Variants in RARB observed in about 807,000 individuals in gnomAD.
RARB encodes the protein retinoic acid receptor beta.
In RARB, 17 loss-of-function variants were observed where a neutral mutation model predicts 51.9. The observed-to-expected ratio is 0.33, with a 90% CI of 0.22 to 0.49. The LOEUF is 0.49. Ranked by LOEUF, RARB falls within the 20% of genes least tolerant of loss-of-function variation. The pLI is 0.99. For missense variants in RARB, 369 were observed against 550.8 expected (o/e 0.67, Z 3.30); for synonymous variants, 215 against 195.4 (o/e 1.10, Z -0.84).
At chr3:24,976,960 G>C (rs892291498) in intron 2 of RARB, among the ~76,000 whole-genome samples, 2 of 152,148 alleles carry the variant, frequency 1.3e-5, no homozygotes, top group South Asian at 4.1e-4. Flanking sequence ...AAGGGATCCA[G>C]TTTCAGTTTT....
intron 5 of RARB, among the ~76,000 whole-genome samples, chr3:25,581,350 A>G (rs1865615): frequency 0.048 from 7,337 of 152,032 alleles, 609 homozygotes; most frequent in African/African-American, 0.16. Flanking sequence ...CCCCCATCCC[A>G]CTTTCTCCAT....
chr3:25,046,639 G>T (rs901970629), intron 2 of RARB, among the ~76,000 whole-genome samples: 4 of 151,958 alleles, frequency 2.6e-5, no homozygotes, highest in African/African-American at 9.7e-5. Flanking sequence ...TTTTTTGATA[G>T]AGACGGGGTT....
chr3:25,301,588 C>T lies in RARB; in HGVS notation c.178+127013C>T, dbSNP rs77030219. The stretch of plus-strand genomic sequence containing the variant: ...TTTCTGCATTTTGTATGGAGGTGGG[C>T]CTGGGTGTTGATTCTGGCAGGTGTT... On this transcript the variant is annotated intron_variant, in intron 5 of 11. Coordinates refer to the RARB transcript ENST00000383772. Among the ~76,000 whole-genome samples, 1,161 of 152,136 alleles carry T rather than the reference C, an allele frequency of 7.6e-3. 10 individuals carry two copies. The highest frequency in any genetic ancestry group is 0.014 in the Middle Eastern group (4 of 294).
In RARB at chr3:24,912,972, A is replaced by ATTTTTTT. The variant is rs71622787; in HGVS notation, c.-380+54222_-380+54223insTTTTTTT. ...GTGGCAATACGCACACAAGGTACTG[A>ATTTTTTT]TTCTTTTTTTTTTTTTTTTTTTTTT... is the stretch of plus-strand genomic sequence containing the variant. On this transcript the variant is annotated intron_variant, in intron 2 of 11. Coordinates refer to the RARB transcript ENST00000383772. Among the ~76,000 whole-genome samples, 283 of 57,546 alleles carry ATTTTTTT rather than the reference A, an allele frequency of 4.9e-3. 17 individuals carry two copies. Among genetic ancestry groups the ATTTTTTT allele is most frequent in the African/African-American group, 0.013 (245 of 18,352 alleles). The allele number at this position is 57,546 out of a possible 152,430, so 37.8% of individuals were successfully genotyped here. A position where few individuals can be genotyped will look rare whatever the true frequency, so the allele number is the denominator to read the frequency against.
intron 2 of RARB, among the ~76,000 whole-genome samples, chr3:24,931,298 C>T (rs982292995): frequency 3.9e-5 from 6 of 152,184 alleles, no homozygotes; most frequent in African/African-American, 1.4e-4. Context: ...TGAAAATCTC[C>T]TATTCCTCCA....
At chr3:25,552,924 TTAAATA>T (rs1232523591) in intron 3 of RARB, among the ~76,000 whole-genome samples, 1 of 152,126 alleles carries the variant, frequency 6.6e-6, no homozygotes, top group Admixed American at 6.6e-5. Flanking sequence ...GCAGATCTGT[TTAAATA>T]TAAATACGTA....
chr3:25,157,928 C>T (rs1407544504), intron 4 of RARB, among the ~76,000 whole-genome samples: 1 of 122,626 alleles, frequency 8.2e-6, no homozygotes. Flanking sequence ...ATGCAGCAGA[C>T]TATTGTTTAT....
intron 5 of RARB, among the ~76,000 whole-genome samples, chr3:25,365,090 C>G (rs1309252435): frequency 2.0e-5 from 3 of 151,912 alleles, no homozygotes; most frequent in Non-Finnish European, 4.4e-5. Flanking sequence ...AAAATTCTCC[C>G]AAATGTGGCA....
intron 1 of RARB, among the ~76,000 whole-genome samples, chr3:25,460,674 C>G (rs1695135420): frequency 6.6e-6 from 1 of 152,082 alleles, no homozygotes; most frequent in Admixed American, 6.5e-5. Context: ...TCTCAAACTC[C>G]TGACCTCAGG....
In RARB at chr3:25,385,733, C is replaced by T. The variant is rs116633011; in HGVS notation, c.179-75460C>T. ...GTGATCTACATACCAGCCTGCCCTACGCTCCTTCTGTTCTCCTTCATTCCC... is the reference window on the plus strand; with the variant it reads ...GTGATCTACATACCAGCCTGCCCTATGCTCCTTCTGTTCTCCTTCATTCCC... On this transcript the variant is annotated intron_variant, in intron 5 of 11. Transcript: ENST00000383772. 7.5e-3 allele frequency among the ~76,000 whole-genome samples: 1,137 copies of T among 152,292 alleles called. 15 individuals are homozygous for T. Among genetic ancestry groups the T allele is most frequent in the African/African-American group, 0.026 (1,060 of 41,558 alleles).
At chr3:25,460,269 G>A (rs1423410706) in intron 1 of RARB, among the ~76,000 whole-genome samples, 1 of 152,066 alleles carries the variant, frequency 6.6e-6, no homozygotes, top group Admixed American at 6.5e-5. Context: ...GCCGATGCAT[G>A]TTGGCCCAAG....
chr3:25,181,534 G>T (rs1016751399), intron 5 of RARB, among the ~76,000 whole-genome samples: 2 of 152,152 alleles, frequency 1.3e-5, no homozygotes, highest in African/African-American at 4.8e-5. Context: ...GCAGAAGCTA[G>T]GAGGCTTAAT....
At chr3:25,257,252 G>C (rs978196038) in intron 5 of RARB, among the ~76,000 whole-genome samples, 4 of 152,080 alleles carry the variant, frequency 2.6e-5, no homozygotes, top group African/African-American at 9.7e-5. Flanking sequence ...GGAGGAGTGT[G>C]CTCCATTCCG....
At chr3:25,124,789 C>A (rs1285778004) in intron 3 of RARB, among the ~76,000 whole-genome samples, 1 of 152,106 alleles carries the variant, frequency 6.6e-6, no homozygotes, top group African/African-American at 2.4e-5. Context: ...TTTTATTTGC[C>A]TCATGTTTGT....
intron 2 of RARB, among the ~76,000 whole-genome samples, chr3:25,490,065 C>G (rs1467171328): frequency 1.3e-5 from 2 of 152,136 alleles, no homozygotes; most frequent in African/African-American, 4.8e-5. Context: ...AAGGCTACAT[C>G]CAATAAATCC....
intron 3 of RARB, among the ~76,000 whole-genome samples, chr3:25,550,585 T>A (rs1213194956): frequency 6.6e-6 from 1 of 152,168 alleles, no homozygotes; most frequent in Non-Finnish European, 1.5e-5. Context: ...TTGAATACCA[T>A]CACATCGGGG....
chr3:25,239,662 A>C (rs981717315), intron 5 of RARB, among the ~76,000 whole-genome samples: 1 of 152,080 alleles, frequency 6.6e-6, no homozygotes, highest in Non-Finnish European at 1.5e-5. Flanking sequence ...TGGTCTGCGC[A>C]TCTGTTTTTA....
chr3:24,881,709 C>G (rs112345007), intron 2 of RARB, among the ~76,000 whole-genome samples: 308 of 152,220 alleles, frequency 2.0e-3, no homozygotes, highest in African/African-American at 7.2e-3. Context: ...ATGGAACCAA[C>G]CCAAGAATGT....
At chr3:24,837,946 C>T (rs1702364921) in intron 1 of RARB, among the ~76,000 whole-genome samples, 1 of 152,174 alleles carries the variant, frequency 6.6e-6, no homozygotes, top group Non-Finnish European at 1.5e-5. Context: ...TTCCGTAAGT[C>T]AGAAGTCCAG....
Sources: gnomAD v4.1 joint callset for allele counts (sites outside exome capture counted in the v4.1 genomes callset) on GRCh38, gnomAD v4.1.1 for gene constraint, MANE v1.5 for transcripts, NCBI Gene and HGNC (gene_info 2026-07-23, HGNC 2026-07-21) for gene names.